The following ABR variants were observed in gnomAD, a reference collection of about 807,000 sequenced individuals.
ABR encodes the protein active breakpoint cluster region-related protein.
Under a neutral mutation model 107.2 loss-of-function variants are expected in ABR, and 35 were observed. The ratio of observed to expected loss-of-function variants is 0.33; its 90% confidence interval spans 0.25 to 0.43. ABR has a LOEUF of 0.43. ABR is among the 20% of genes least tolerant of loss of function. The pLI, the probability that ABR is intolerant of heterozygous loss-of-function variation, is 1.00. For missense variants in ABR, 815 were observed against 1,115.2 expected, an observed-to-expected ratio of 0.73 and a Z score of 3.83; for synonymous variants, 498 against 462.0, an observed-to-expected ratio of 1.08 and a Z score of -1.00.
rs1367711460 is a variant in ABR, at chr17:1,179,335, G to A, written c.61+332C>T. ...AGGGCCTCCCTCCCCTGAGGCTCGC[G>A]GAGGCCGGGTTCACAACAGGTGGGA... On this transcript the variant is annotated intron_variant, in intron 1 of 22. Transcript: ENST00000302538. This position sits in a 1 kb window ranked among gnomAD's most constrained non-coding sequence, Gnocchi z 4.9. Among the ~76,000 whole-genome samples, 2 of 152,076 alleles carry A rather than the reference G, an allele frequency of 1.3e-5. No homozygotes were observed. Among genetic ancestry groups the A allele is most frequent in the South Asian group, 2.1e-4 (1 of 4,826 alleles).
chr17:1,031,535 C>CCCCCCGAGCCCCGCAGCG (rs1164870828), intron 16 of ABR: 1 of 332,258 alleles, frequency 3.0e-6, no homozygotes, highest in Non-Finnish European at 5.0e-6. Flanking sequence ...GCCCCCGCAG[C>CCCCCCGAGCCCCGCAGCG]CCCCCGAGCC....
intron 16 of ABR, among the ~76,000 whole-genome samples, chr17:1,026,175 T>C: frequency 6.6e-6 from 1 of 152,192 alleles, no homozygotes; most frequent in Non-Finnish European, 1.5e-5. Flanking sequence ...ATTGAGCTGA[T>C]ACCAGAGAAC....
chr17:1,078,887 G>A lies in ABR; in HGVS notation c.700+443C>T, dbSNP rs1206777113. 1.4e-5 allele frequency: 22 copies of A among 1,535,186 alleles called. No homozygotes were observed. The highest frequency in any genetic ancestry group is 2.4e-5 in the South Asian group (2 of 84,040). On this transcript the variant is annotated intron_variant, in intron 6 of 22. Transcript: ENST00000302538. This position sits in a 1 kb window ranked among gnomAD's most constrained non-coding sequence, Gnocchi z 7.5. Reference sequence around the variant, plus strand: ...CAGCCTCTGTCCCCGCGGCGGGAGCGTGCAGCCATCGCTCCAGGCTCCCCG... The same window carrying A: ...CAGCCTCTGTCCCCGCGGCGGGAGCATGCAGCCATCGCTCCAGGCTCCCCG...
At chr17:1,111,980 T>C (rs1567777726) in intron 2 of ABR, among the ~76,000 whole-genome samples, 1 of 152,258 alleles carries the variant, frequency 6.6e-6, no homozygotes, top group African/African-American at 2.4e-5. Flanking sequence ...CTTCTGTTAG[T>C]GCGGCCGCCA....
At chr17:1,215,374 G>A (rs572350259) in intron 1 of ABR, among the ~76,000 whole-genome samples, 42 of 152,276 alleles carry the variant, frequency 2.8e-4, no homozygotes, top group Middle Eastern at 3.4e-3. Context: ...GAGTGCCTGC[G>A]ATTGCAGGCG....
rs79850356 is a variant in ABR at position 1,060,587 on chromosome 17, G to A, written c.1183-1720C>T. Among the ~76,000 whole-genome samples the A allele has an allele frequency of 3.7e-3, 564 of 152,318 alleles. 3 individuals are homozygous for A. Among genetic ancestry groups the A allele is most frequent in the Non-Finnish European group, 6.4e-3 (433 of 68,034 alleles). On this transcript the variant is annotated intron_variant, in intron 10 of 22. Coordinates refer to ENST00000302538, the MANE Select transcript of ABR (RefSeq NM_021962.5). ...CCTCAAACTGTCAGCAGTGGGAGGT[G>A]AGTGGCGACCAGCTTTACCCTGTAC... is the stretch of plus-strand genomic sequence containing the variant.
intron 3 of ABR, among the ~76,000 whole-genome samples, chr17:1,098,141 C>T (rs1040489133): frequency 6.6e-6 from 1 of 151,050 alleles, no homozygotes; most frequent in Non-Finnish European, 1.5e-5. Flanking sequence ...GGCGCAATCT[C>T]TGCTCACTGC....
Position 1,018,154 on chromosome 17 carries a change from T to C in ABR, c.1792-4990A>G, listed in dbSNP as rs1177567832. On this transcript the variant is annotated intron_variant, in intron 16 of 22. Transcript: ENST00000302538. Reference sequence around the variant, plus strand: ...GCCTCCCGGGTTCACGCCATTCTCCTGCCTCAGCCTCCTGAGTAGCTGGGA... The same window carrying C: ...GCCTCCCGGGTTCACGCCATTCTCCCGCCTCAGCCTCCTGAGTAGCTGGGA... Among the ~76,000 whole-genome samples, 4 of 152,244 alleles carry C rather than the reference T, an allele frequency of 2.6e-5. No individual in the cohort carries two copies. In the East Asian group the frequency reaches 7.7e-4, roughly 29 times the overall value.
intron 1 of ABR, among the ~76,000 whole-genome samples, chr17:1,142,693 T>C (rs2040336928): frequency 6.6e-6 from 1 of 151,968 alleles, no homozygotes; most frequent in African/African-American, 2.4e-5. Flanking sequence ...GGGCTTGTCC[T>C]CAGTCTTGGG....
intron 16 of ABR, among the ~76,000 whole-genome samples, chr17:1,032,458 C>T (rs2072879923): frequency 6.6e-6 from 1 of 152,202 alleles, no homozygotes; most frequent in Admixed American, 6.5e-5. Flanking sequence ...GTCACACGTC[C>T]AGCCAGAGAT....
At chr17:1,062,070 G>T (rs543200757) in intron 10 of ABR, among the ~76,000 whole-genome samples, 4 of 152,180 alleles carry the variant, frequency 2.6e-5, no homozygotes, top group African/African-American at 9.7e-5. Context: ...AAGCTTCCCA[G>T]GGGTGGTGAG....
chr17:1,018,256 A>G (rs147956385), intron 16 of ABR, among the ~76,000 whole-genome samples: 4,031 of 150,942 alleles, frequency 0.027, 160 homozygotes, highest in Admixed American at 0.12. Context: ...GTTAGCCAGG[A>G]TGGTCTTGAT....
intron 1 of ABR, among the ~76,000 whole-genome samples, chr17:1,161,248 CTT>C (rs562909391): frequency 2.8e-5 from 4 of 141,974 alleles, no homozygotes; most frequent in Admixed American, 7.1e-5. Flanking sequence ...CAAGTCCAGT[CTT>C]TTTTTTTTTT....
chr17:1,152,829 C>T (rs2040854576), intron 1 of ABR, among the ~76,000 whole-genome samples: 1 of 150,504 alleles, frequency 6.6e-6, no homozygotes, highest in Non-Finnish European at 1.5e-5. Flanking sequence ...CGCGGTGGGT[C>T]ATGCCTGTAA....
chr17:1,047,368 GAACAGC>G lies in ABR; in HGVS notation c.1791+2676_1791+2681del, dbSNP rs1246735440. On this transcript the variant is annotated intron_variant, in intron 16 of 22. Transcript: ENST00000302538. The stretch of plus-strand genomic sequence containing the variant: ...GGCTCCGTGGGGCCCGGGTTCGTGG[GAACAGC>G]TCCGTGTGGACTCGTCACCCAGCCT... Among the ~76,000 whole-genome samples, 4 of 152,366 alleles carry G rather than the reference GAACAGC, an allele frequency of 2.6e-5. No homozygotes were observed. In the East Asian group the frequency reaches 7.7e-4, roughly 29 times the overall value.
chr17:1,111,125 A>G (rs1339990114), intron 2 of ABR, among the ~76,000 whole-genome samples: 4 of 152,298 alleles, frequency 2.6e-5, no homozygotes, highest in African/African-American at 9.6e-5. Context: ...AGAAGGGCCT[A>G]AAACCCCACA....
At chr17:1,036,731 G>A (rs758091877) in intron 16 of ABR, among the ~76,000 whole-genome samples, 38 of 152,202 alleles carry the variant, frequency 2.5e-4, no homozygotes, top group Non-Finnish European at 3.4e-4. Flanking sequence ...CCCCCAACTC[G>A]GTGGCTCTGT....
chr17:1,125,303 C>G lies in ABR; in HGVS notation c.126G>C (p.Glu42Asp). The G allele has an allele frequency of 1.2e-6, 2 of 1,614,022 alleles. No homozygotes were observed. Among genetic ancestry groups the G allele is most frequent in the Non-Finnish European group, 8.5e-7 (1 of 1,179,986 alleles). Reference protein sequence around the residue: ...EGNEEQKGPPEGSETMPYIDE... With the variant: ...EGNEEQKGPPDGSETMPYIDE... ...CGATGTACGGCATGGTCTCTGAGCC[C>G]TCCGGGGGCCCCTTCTGCTCCTCAT... The change falls in exon 2 of 23, where the codon GAG becomes GAC. Residue 42 changes from glutamate (E) to aspartate (D), a missense_variant. Coordinates refer to ENST00000302538, the MANE Select transcript of ABR (RefSeq NM_021962.5).
intron 16 of ABR, among the ~76,000 whole-genome samples, chr17:1,029,163 C>T (rs969561018): frequency 1.1e-4 from 17 of 151,830 alleles, no homozygotes; most frequent in Non-Finnish European, 2.1e-4. Flanking sequence ...AGTTCAATAC[C>T]GAGAGCCCTG....
Sources: allele counts gnomAD v4.1 joint callset (sites outside exome capture counted in the v4.1 genomes callset), GRCh38; gene constraint gnomAD v4.1.1; non-coding constraint Gnocchi (gnomAD v3.1); transcripts MANE v1.5; gene names NCBI Gene and HGNC (gene_info 2026-07-23, HGNC 2026-07-21).